Variants in EPHA6 observed in about 807,000 individuals in gnomAD.
EPHA6 encodes ephrin type-A receptor 6.
In EPHA6, 50 loss-of-function variants were observed where a neutral mutation model predicts 112.0. The ratio of observed to expected loss-of-function variants is 0.45; its 90% CI spans 0.36 to 0.56. The LOEUF is 0.56. Ranked by LOEUF, EPHA6 falls within the 20% of genes least tolerant of loss-of-function variation. The pLI is 0.00. For synonymous variants in EPHA6, 529 were observed against 490.7 expected (o/e 1.08, Z -1.03); for missense variants, 1,280 against 1,417.4 (o/e 0.90, Z 1.56).
chr3:97,067,830 G>A (rs2046225915), intron 3 of EPHA6, among the ~76,000 whole-genome samples: 1 of 151,938 alleles, frequency 6.6e-6, no homozygotes, highest in Non-Finnish European at 1.5e-5. Context: ...AGAGAGGTAA[G>A]TAGCACTAGT....
At chr3:96,822,684 A>T (rs1576054826) in intron 1 of EPHA6, among the ~76,000 whole-genome samples, 1 of 150,722 alleles carries the variant, frequency 6.6e-6, no homozygotes, top group African/African-American at 2.4e-5. Flanking sequence ...GATACTTTAT[A>T]TATAATTTAA....
At chr3:96,889,011 A>T (rs958639610) in intron 2 of EPHA6, among the ~76,000 whole-genome samples, 1 of 152,060 alleles carries the variant, frequency 6.6e-6, no homozygotes, top group Non-Finnish European at 1.5e-5. Context: ...CATCTCTCTC[A>T]TGTTCAAAGT....
chr3:96,967,576 G>C (rs1431074188), intron 2 of EPHA6, among the ~76,000 whole-genome samples: 1 of 151,574 alleles, frequency 6.6e-6, no homozygotes, highest in Non-Finnish European at 1.5e-5. Flanking sequence ...AGTTTTTCAT[G>C]ATTGATTATC....
chr3:97,217,124 T>C (rs1328090424), intron 3 of EPHA6, among the ~76,000 whole-genome samples: 1 of 152,180 alleles, frequency 6.6e-6, no homozygotes, highest in African/African-American at 2.4e-5. Flanking sequence ...AGGACCCTGA[T>C]AAAACCTTAT....
rs1263457126 is a variant in EPHA6, at chr3:97,751,738, T to G, written c.*3037T>G. 6.6e-6 allele frequency among the ~76,000 whole-genome samples: 1 copy of G among 152,132 alleles called. No homozygotes were observed. Among genetic ancestry groups the G allele is most frequent in the African/African-American group, 2.4e-5 (1 of 41,464 alleles). ...ATAAAAAGAAAATAAGTAACTTCCA[T>G]AAATCACAAGTCTTCAGGAATAATC... is the stretch of plus-strand genomic sequence containing the variant. On this transcript the variant is annotated 3_prime_UTR_variant, in exon 18 of 18. Coordinates refer to ENST00000389672, the MANE Select transcript of EPHA6 (RefSeq NM_001080448.3).
chr3:96,974,249 A>C (rs1003811596), intron 2 of EPHA6, among the ~76,000 whole-genome samples: 17 of 148,196 alleles, frequency 1.1e-4, no homozygotes, highest in African/African-American at 3.7e-4. Flanking sequence ...TTATAACATA[A>C]AATTTTAAAA....
intron 2 of EPHA6, among the ~76,000 whole-genome samples, chr3:96,941,637 G>T (rs1456451239): frequency 6.6e-6 from 1 of 152,212 alleles, no homozygotes; most frequent in Non-Finnish European, 1.5e-5. Context: ...TCCATTGCTG[G>T]TGAGGAACTG....
intron 1 of EPHA6, among the ~76,000 whole-genome samples, chr3:96,857,078 G>C (rs1419517550): frequency 6.6e-6 from 1 of 152,002 alleles, no homozygotes; most frequent in African/African-American, 2.4e-5. Context: ...TCTGTATCTT[G>C]GGTAATCAAT....
chr3:97,611,275 A>C (rs2093718115), intron 13 of EPHA6, among the ~76,000 whole-genome samples: 2 of 151,992 alleles, frequency 1.3e-5, no homozygotes, highest in South Asian at 2.1e-4. Context: ...CAATGACTCA[A>C]GTTCATTTCA....
intron 3 of EPHA6, among the ~76,000 whole-genome samples, chr3:97,014,857 G>A (rs1344404257): frequency 6.6e-6 from 1 of 152,128 alleles, no homozygotes; most frequent in Admixed American, 6.6e-5. Flanking sequence ...TGATGGCCAT[G>A]GAGTAGTGGT....
intron 9 of EPHA6, chr3:97,481,190 C>T: frequency 9.5e-7 from 1 of 1,054,696 alleles, no homozygotes; most frequent in Middle Eastern, 3.0e-4. Flanking sequence ...ACAATTTCCT[C>T]ATGAAGTACT....
At chr3:96,884,758 A>G (rs145718849) in intron 2 of EPHA6, among the ~76,000 whole-genome samples, 3 of 152,260 alleles carry the variant, frequency 2.0e-5, no homozygotes, top group Admixed American at 2.0e-4. Context: ...TTCCAGTACT[A>G]TGTTGAAGAG....
intron 5 of EPHA6, among the ~76,000 whole-genome samples, chr3:97,338,464 C>G (rs2083159757): frequency 6.6e-6 from 1 of 152,074 alleles, no homozygotes; most frequent in African/African-American, 2.4e-5. Context: ...TTGTCTACCC[C>G]TAGAGCTCTT....
chr3:97,219,010 G>T (rs886989223), intron 3 of EPHA6, among the ~76,000 whole-genome samples: 10 of 152,122 alleles, frequency 6.6e-5, no homozygotes, highest in African/African-American at 2.2e-4. Context: ...TCTTCAAGCT[G>T]CAGAATGATC....
chr3:97,724,837 GTATTTTTAAGTGTTATCCCCACC>G, intron 15 of EPHA6, among the ~76,000 whole-genome samples: 1 of 152,078 alleles, frequency 6.6e-6, no homozygotes, highest in African/African-American at 2.4e-5. Flanking sequence ...TAAAATTCTG[GTATTTTTAAGTGTTATCCCCACC>G]CCCAAATAGA....
chr3:97,472,942 T>C (rs1435449081), intron 7 of EPHA6, among the ~76,000 whole-genome samples: 1 of 144,314 alleles, frequency 6.9e-6, no homozygotes, highest in Non-Finnish European at 1.5e-5. Flanking sequence ...ACAAGATATG[T>C]AACCTTGAGA....
chr3:97,413,198 A>C (rs529568918), intron 6 of EPHA6, among the ~76,000 whole-genome samples: 1 of 152,028 alleles, frequency 6.6e-6, no homozygotes, highest in South Asian at 2.1e-4. Context: ...GCAAAGAAAA[A>C]TGTAAATATA....
intron 5 of EPHA6, among the ~76,000 whole-genome samples, chr3:97,386,412 G>A (rs1559945682): frequency 1.3e-5 from 2 of 152,072 alleles, no homozygotes; most frequent in Non-Finnish European, 2.9e-5. Flanking sequence ...CAAAACAAAG[G>A]GGCTACAGGC....
At chr3:96,994,257 C>A in intron 3 of EPHA6, 1 of 371,616 alleles carries the variant, frequency 2.7e-6, no homozygotes, top group Non-Finnish European at 5.6e-6. Flanking sequence ...GTATTTTAGT[C>A]CTCTTTCAAA....
Sources: gnomAD v4.1 joint callset for allele counts (sites outside exome capture counted in the v4.1 genomes callset) on GRCh38, gnomAD v4.1.1 for gene constraint, MANE v1.5 for transcripts, NCBI Gene and HGNC (gene_info 2026-07-23, HGNC 2026-07-21) for gene names.